The following LIPF variants were observed in gnomAD, a reference collection of about 807,000 sequenced individuals.
LIPF encodes lipase F, gastric type, also known as gastric triacylglycerol lipase.
LIPF carries 25 observed loss-of-function variants against 38.0 expected under a neutral mutation model. The ratio of observed to expected loss-of-function variants is 0.66; its 90% confidence interval spans 0.48 to 0.92. The LOEUF (loss-of-function observed/expected upper bound fraction) is 0.92. Ranked by LOEUF, LIPF falls within the 40% of genes least tolerant of loss-of-function variation. LIPF has a pLI of 0.00. For missense variants in LIPF, 410 were observed against 469.9 expected (o/e 0.87, Z 1.18); for synonymous variants, 161 against 156.2 (o/e 1.03, Z -0.23).
At position 88,665,562 on chromosome 10, in the gene LIPF, A is replaced by AG. The variant is rs1841498761; in HGVS notation, c.-12+1073dup. The AG allele has an allele frequency of 4.6e-6, 7 of 1,534,546 alleles. No homozygotes were observed. In the East Asian group the frequency reaches 1.7e-4, roughly 38 times the overall value. On this transcript the variant is annotated intron_variant, in intron 1 of 9. Coordinates refer to ENST00000238983, the MANE Select transcript of LIPF (RefSeq NM_004190.4). ...TGAGATGTTCTCCAACGCAAACAGT[A>AG]GGTTAAGTGTCCTCACTTTACAATG... is the stretch of plus-strand genomic sequence containing the variant.
chr10:88,670,280 A>C (rs561390385), intron 5 of LIPF, among the ~76,000 whole-genome samples: 2,849 of 152,294 alleles, frequency 0.019, 86 homozygotes, highest in African/African-American at 0.065. Context: ...ATGATGTATC[A>C]AAAGAATACA....
intron 9 of LIPF, 152 bp from the exon 10 acceptor site, chr10:88,678,293 G>A: frequency 1.5e-6 from 1 of 683,010 alleles, no homozygotes. Flanking sequence ...CATTCACTTT[G>A]CTCTGTGGAT....
At chr10:88,667,448 TA>T (rs1554948931) in intron 2 of LIPF, 46 bp downstream of exon 2, 4 of 1,205,032 alleles carry the variant, frequency 3.3e-6, no homozygotes, top group Non-Finnish European at 4.9e-6. Flanking sequence ...AAGATGCTAT[TA>T]TTTAAAATCA....
In LIPF at chr10:88,673,663, G is replaced by A. The variant is rs1201888545; in HGVS notation, c.745G>A (p.Glu249Lys). ...QFLATEVCSR[E>K]MLNLLCSNAL... ...TCTTGCTACTGAAGTGTGCTCCCGTGAGATGCTGAATCTCCTTTGCAGCAA... is the reference window on the plus strand; with the variant it reads ...TCTTGCTACTGAAGTGTGCTCCCGTAAGATGCTGAATCTCCTTTGCAGCAA... Residue 249 changes from glutamate to lysine, a missense_variant, in exon 7 of 10, where the codon GAG becomes AAG. Glu to Lys is a moderately conservative substitution (Grantham distance 56, BLOSUM62 1). Coordinates refer to ENST00000238983, the MANE Select transcript of LIPF (RefSeq NM_004190.4). 1.9e-6 allele frequency: 3 copies of A among 1,612,916 alleles called. No individual in the cohort carries two copies. The highest frequency in any genetic ancestry group is 2.2e-5 in the South Asian group (2 of 90,940).
rs17287051 is a variant in LIPF, at chr10:88,669,888, A to T, written c.474A>T (p.Val158=). Residue 158 remains valine (V), a synonymous_variant, in exon 5 of 10, where the codon GTA becomes GTT. Transcript: ENST00000238983. ...TTCCAGCCACAATCGACTTCATTGT[A>T]AAGAAAACTGGACAGAAGCAGCTAC... The part of the protein sequence containing the change: ...YDLPATIDFI[V]KKTGQKQLHY... 1 of 1,613,728 alleles carries T rather than the reference A, an allele frequency of 6.2e-7. No individual in the cohort carries two copies. Among genetic ancestry groups the T allele is most frequent in the East Asian group, 2.2e-5 (1 of 44,872 alleles).
At chr10:88,671,301 C>T (rs987679815) in intron 5 of LIPF, among the ~76,000 whole-genome samples, 4 of 152,094 alleles carry the variant, frequency 2.6e-5, no homozygotes, top group Non-Finnish European at 4.4e-5. Flanking sequence ...CACCACTATC[C>T]TTGTATTTCA....
chr10:88,675,352 T>G, intron 7 of LIPF: 1 of 445,584 alleles, frequency 2.2e-6, no homozygotes, highest in Non-Finnish European at 3.9e-6. Flanking sequence ...TTCATGTTGA[T>G]AAAATGGAAC....
chr10:88,675,527 T>G (rs948596266), intron 7 of LIPF, 59 bp from the exon 8 acceptor site: 2 of 1,260,660 alleles, frequency 1.6e-6, no homozygotes, highest in African/African-American at 3.0e-5. Context: ...TTTACTGTTT[T>G]TAAGAAACTG....
intron 8 of LIPF, 149 bp from the exon 9 acceptor site, chr10:88,676,059 CT>C: frequency 1.8e-6 from 1 of 561,646 alleles, no homozygotes; most frequent in East Asian, 3.1e-5. Flanking sequence ...ACATAAATAC[CT>C]TGTCCTAGAT....
intron 8 of LIPF, 58 bp downstream of exon 8, chr10:88,675,715 T>C: frequency 8.1e-7 from 1 of 1,237,092 alleles, no homozygotes; most frequent in Non-Finnish European, 1.2e-6. Flanking sequence ...CTTTTCACTT[T>C]ACCTAAACAC....
chr10:88,676,003 TTGGTA>T (rs1465991103), intron 8 of LIPF, among the ~76,000 whole-genome samples: 1 of 152,138 alleles, frequency 6.6e-6, no homozygotes, highest in Non-Finnish European at 1.5e-5. Context: ...TTTTTATGAC[TTGGTA>T]TGCAAGAAAA....
At chr10:88,667,520 T>C (rs1243175943) in intron 2 of LIPF, 49 bp from the exon 3 acceptor site, 1 of 1,123,582 alleles carries the variant, frequency 8.9e-7, no homozygotes, top group African/African-American at 1.6e-5. Flanking sequence ...ATTTATTAGA[T>C]ATATCTAAAA....
At chr10:88,665,887 C>T (rs1218219799) in intron 1 of LIPF, among the ~76,000 whole-genome samples, 1 of 151,836 alleles carries the variant, frequency 6.6e-6, no homozygotes, top group Admixed American at 6.6e-5. Context: ...AAATTACAGG[C>T]GCGCACACCC....
intron 5 of LIPF, 27 bp from the exon 6 acceptor site, chr10:88,671,802 T>C: frequency 6.2e-7 from 1 of 1,600,854 alleles, no homozygotes; most frequent in East Asian, 2.2e-5. Context: ...CACACACCTT[T>C]TTCACCAGTT....
At position 88,668,802 on chromosome 10, in the gene LIPF, A is replaced by G. The variant is rs190569067; in HGVS notation, c.422+46A>G. 2.0e-4 allele frequency: 306 copies of G among 1,533,314 alleles called. No individual in the cohort carries two copies. The East Asian group carries it at 5.7e-3, about 29-fold the overall frequency. 95.0% of individuals were successfully genotyped at this position (1,533,314 alleles called of 1,614,324 possible). A position where few individuals can be genotyped will look rare whatever the true frequency, so the allele number is the denominator to read the frequency against. Reference sequence around the variant, plus strand: ...AAAATAAACACTGGGCTTTAAAAGCATAGGCATTTGCCCCTTCTAATCCAG... The same window carrying G: ...AAAATAAACACTGGGCTTTAAAAGCGTAGGCATTTGCCCCTTCTAATCCAG... On this transcript the variant is annotated intron_variant, in intron 4 of 9. Transcript: ENST00000238983.
intron 9 of LIPF, among the ~76,000 whole-genome samples, chr10:88,677,658 T>A (rs1402819798): frequency 1.3e-5 from 2 of 152,202 alleles, no homozygotes; most frequent in Admixed American, 1.3e-4. Flanking sequence ...AATGTGAGAA[T>A]ACAGAAACTT....
At chr10:88,676,315 GAAC>G in intron 9 of LIPF, 35 bp downstream of exon 9, 1 of 1,238,728 alleles carries the variant, frequency 8.1e-7, no homozygotes, top group Non-Finnish European at 1.2e-6. Flanking sequence ...TTCACATTTT[GAAC>G]AACAATACTA....
chr10:88,669,739 T>G (rs2134637473), intron 4 of LIPF, 98 bp from the exon 5 acceptor site: 1 of 838,388 alleles, frequency 1.2e-6, no homozygotes, highest in African/African-American at 1.7e-5. Flanking sequence ...AGAATCCAGT[T>G]TTCTGTATCC....
intron 6 of LIPF, among the ~76,000 whole-genome samples, chr10:88,672,280 G>A (rs1324180470): frequency 6.6e-6 from 1 of 152,160 alleles, no homozygotes; most frequent in Non-Finnish European, 1.5e-5. Flanking sequence ...ACTCCAGGAG[G>A]AGGGAAGATG....
Sources: gnomAD v4.1 joint callset for allele counts (sites outside exome capture counted in the v4.1 genomes callset) on GRCh38, gnomAD v4.1.1 for gene constraint, MANE v1.5 for transcripts, NCBI Gene and HGNC (gene_info 2026-07-23, HGNC 2026-07-21) for gene names.